SEMA3E: variants seen among roughly 807,000 people sequenced by gnomAD.
The protein encoded by SEMA3E is semaphorin 3E.
Under a neutral mutation model 93.6 loss-of-function variants are expected in SEMA3E, and 49 were observed. The observed-to-expected ratio is 0.52, with a 90% CI of 0.42 to 0.66. The LOEUF (loss-of-function observed/expected upper bound fraction) is 0.66, where lower values mean the gene tolerates loss of function less well. SEMA3E is among the 30% of genes least tolerant of loss of function. The pLI is 0.00. For missense variants in SEMA3E, 906 were observed against 964.8 expected, an observed-to-expected ratio of 0.94 and a Z score of 0.81; for synonymous variants, 363 against 330.7, an observed-to-expected ratio of 1.10 and a Z score of -1.06.
intron 1 of SEMA3E, among the ~76,000 whole-genome samples, chr7:83,535,897 G>T (rs1791403328): frequency 6.6e-6 from 1 of 152,100 alleles, no homozygotes; most frequent in South Asian, 2.1e-4. Flanking sequence ...TTTCCAAAAA[G>T]AATGGTTAGG....
At chr7:83,589,535 A>G (rs1792710685) in intron 1 of SEMA3E, among the ~76,000 whole-genome samples, 1 of 152,194 alleles carries the variant, frequency 6.6e-6, no homozygotes, top group South Asian at 2.1e-4. Context: ...TAAAGTAGAC[A>G]TAGAATGTGA....
chr7:83,482,562 C>CT (rs1790168323), intron 2 of SEMA3E, among the ~76,000 whole-genome samples: 1 of 37,176 alleles, frequency 2.7e-5, no homozygotes, highest in Non-Finnish European at 5.2e-5. Flanking sequence ...CACACTCCGT[C>CT]TCAAAAAAAA....
intron 1 of SEMA3E, among the ~76,000 whole-genome samples, chr7:83,495,817 G>T (rs2115578566): frequency 6.6e-6 from 1 of 151,874 alleles, no homozygotes; most frequent in East Asian, 1.9e-4. Context: ...AAGAATTCAG[G>T]CTCTTCTAGA....
intron 16 of SEMA3E, among the ~76,000 whole-genome samples, chr7:83,374,818 A>G (rs1794798926): frequency 6.6e-6 from 1 of 152,174 alleles, no homozygotes; most frequent in Non-Finnish European, 1.5e-5. Context: ...ATGAAAGTAG[A>G]AAAAGGAGGT....
At chr7:83,574,706 G>C (rs900160647) in intron 1 of SEMA3E, among the ~76,000 whole-genome samples, 1 of 152,154 alleles carries the variant, frequency 6.6e-6, no homozygotes, top group Non-Finnish European at 1.5e-5. Context: ...GAACAAGACT[G>C]TGCTAATCTG....
chr7:83,602,605 G>C (rs761392204), intron 1 of SEMA3E, among the ~76,000 whole-genome samples: 4 of 151,900 alleles, frequency 2.6e-5, no homozygotes, highest in African/African-American at 4.8e-5. Flanking sequence ...AGCCTCCCAA[G>C]TAGCTGGGAC....
chr7:83,520,768 C>A (rs1791027587), intron 1 of SEMA3E, among the ~76,000 whole-genome samples: 1 of 152,164 alleles, frequency 6.6e-6, no homozygotes, highest in Admixed American at 6.5e-5. Flanking sequence ...TATTCACAAA[C>A]AATTTTAAGT....
chr7:83,524,203 A>G (rs151251060), intron 1 of SEMA3E, among the ~76,000 whole-genome samples: 2,456 of 152,270 alleles, frequency 0.016, 33 homozygotes, highest in Non-Finnish European at 0.022. Flanking sequence ...TAAGGAAGTC[A>G]TATCAGTAGA....
chr7:83,410,603 TGAA>T (rs760509796), intron 5 of SEMA3E, among the ~76,000 whole-genome samples: 1 of 152,102 alleles, frequency 6.6e-6, no homozygotes, highest in African/African-American at 2.4e-5. Context: ...TGTCTATGTT[TGAA>T]GAAGTAGTAT....
At chr7:83,584,890 C>A (rs945224284) in intron 1 of SEMA3E, among the ~76,000 whole-genome samples, 86 of 152,148 alleles carry the variant, frequency 5.7e-4, no homozygotes, top group African/African-American at 2.0e-3. Flanking sequence ...CAATCTTCCC[C>A]CAAAAAACTC....
At chr7:83,437,016 T>C (rs1219941118) in intron 4 of SEMA3E, among the ~76,000 whole-genome samples, 1 of 152,118 alleles carries the variant, frequency 6.6e-6, no homozygotes, top group Non-Finnish European at 1.5e-5. Flanking sequence ...AACTCACCCT[T>C]ATAATAACCG....
At chr7:83,549,984 C>T (rs761076923) in intron 1 of SEMA3E, among the ~76,000 whole-genome samples, 10 of 152,130 alleles carry the variant, frequency 6.6e-5, no homozygotes, top group East Asian at 1.9e-4. Flanking sequence ...AAAATACCCT[C>T]GTCTATCCTG....
intron 1 of SEMA3E, among the ~76,000 whole-genome samples, chr7:83,552,299 G>A (rs1318154526): frequency 6.6e-6 from 1 of 152,154 alleles, no homozygotes; most frequent in Non-Finnish European, 1.5e-5. Context: ...TCTTATGCCT[G>A]TCTTTACTTT....
chr7:83,567,174 T>C (rs1792179509), intron 1 of SEMA3E, among the ~76,000 whole-genome samples: 1 of 152,120 alleles, frequency 6.6e-6, no homozygotes, highest in South Asian at 2.1e-4. Context: ...AGAAAGCCAT[T>C]ATATAGTGAC....
chr7:83,418,250 TATC>T (rs1261541077), intron 5 of SEMA3E, 137 bp downstream of exon 5: 37 of 700,582 alleles, frequency 5.3e-5, no homozygotes, highest in Non-Finnish European at 8.7e-5. Context: ...TGAAATTTAA[TATC>T]ATTGCTTCGA....
At chr7:83,538,522 C>G (rs1403340373) in intron 1 of SEMA3E, among the ~76,000 whole-genome samples, 1 of 152,152 alleles carries the variant, frequency 6.6e-6, no homozygotes, top group African/African-American at 2.4e-5. Context: ...TCTGCCTCAT[C>G]CTTCCTCACC....
At chr7:83,628,554 ATCCTT>A (rs2115662562) in intron 1 of SEMA3E, among the ~76,000 whole-genome samples, 1 of 151,428 alleles carries the variant, frequency 6.6e-6, no homozygotes, top group African/African-American at 2.4e-5. Context: ...AATCTCTGAT[ATCCTT>A]TCTTCTGCTT....
Position 83,624,823 on chromosome 7 carries a change from G to A in SEMA3E, c.115+23605C>T, listed in dbSNP as rs1724187812. Among the ~76,000 whole-genome samples, 3 of 152,278 alleles carry A rather than the reference G, an allele frequency of 2.0e-5. No individual in the cohort carries two copies. In the South Asian group the frequency reaches 6.2e-4, roughly 32 times the overall value. On this transcript the variant is annotated intron_variant, in intron 1 of 16. Coordinates refer to ENST00000643230, the MANE Select transcript of SEMA3E (RefSeq NM_012431.3). ...CCATGCCTGTGTCCTGAATGGTATT[G>A]CCTAGGTTTTCGCCTAGGGTTTTTA...
At chr7:83,640,041 A>C (rs1350649274) in intron 1 of SEMA3E, among the ~76,000 whole-genome samples, 1 of 152,172 alleles carries the variant, frequency 6.6e-6, no homozygotes, top group Non-Finnish European at 1.5e-5. Context: ...TTACTTCCAC[A>C]GTGTATCTTA....
Sources: gnomAD v4.1 joint callset for allele counts (sites outside exome capture counted in the v4.1 genomes callset) on GRCh38, gnomAD v4.1.1 for gene constraint, MANE v1.5 for transcripts, NCBI Gene and HGNC (gene_info 2026-07-23, HGNC 2026-07-21) for gene names.